The following PCDH19 variants were observed in gnomAD, a reference collection of about 807,000 sequenced individuals.
PCDH19 encodes protocadherin-19.
PCDH19 carries 6 observed loss-of-function variants against 46.2 expected under a neutral mutation model. That is an observed-to-expected ratio of 0.13 (90% CI 0.07 to 0.26). The LOEUF is 0.26. Among genes scored for constraint, PCDH19 ranks in the 10% least tolerant of loss-of-function variants. The pLI, the probability that PCDH19 is intolerant of heterozygous loss-of-function variation, is 1.00. For synonymous variants in PCDH19, 481 were observed against 415.7 expected (o/e 1.16, Z -1.91); for missense variants, 740 against 972.3 (o/e 0.76, Z 3.18).
chrX:100,366,659 A>G (rs746955559), intron 3 of PCDH19, among the ~76,000 whole-genome samples: 16 of 112,467 alleles, frequency 1.4e-4, no homozygotes, highest in African/African-American at 5.2e-4. Flanking sequence ...AAATGTTTAA[A>G]CTAACAAGAA....
chrX:100,314,669 A>C (rs1327775750), intron 5 of PCDH19, among the ~76,000 whole-genome samples: 1 of 111,618 alleles, frequency 9.0e-6, no homozygotes, highest in East Asian at 2.8e-4. Context: ...GGTAGAATAG[A>C]AGAGTGATTG....
In PCDH19 at chrX:100,409,769, C is replaced by G; in HGVS notation, c.-1172G>C. 4.2e-6 allele frequency: 1 copy of G among 235,892 alleles called. No homozygotes were observed. Among genetic ancestry groups the G allele is most frequent in the Non-Finnish European group, 7.4e-6 (1 of 134,563 alleles). The allele number at this position is 235,892 out of a possible 1,213,427, so 19.4% of individuals were successfully genotyped here. On this transcript the variant is annotated 5_prime_UTR_variant, in exon 1 of 6. Coordinates refer to ENST00000373034, the MANE Select transcript of PCDH19 (RefSeq NM_001184880.2). ...AGGAAGCCCTCCTAGCTCAGTTGCA[C>G]GTCGCTGGGGTCCGCCTCAGCAGCT...
intron 5 of PCDH19, among the ~76,000 whole-genome samples, chrX:100,333,169 GGA>G (rs1461357299): frequency 0.076 from 2,526 of 33,304 alleles, 127 homozygotes; most frequent in South Asian, 0.15. Context: ...AAGGAAGGAA[GGA>G]AGGGAGAGAG....
rs772106217 is a variant in PCDH19 at position 100,341,938 on chromosome X, C to A, written c.2813G>T (p.Ser938Ile). Residue 938 changes from serine to isoleucine, a missense_variant, in exon 5 of 6, where the codon AGT becomes ATT. Coordinates refer to ENST00000373034, the MANE Select transcript of PCDH19 (RefSeq NM_001184880.2). ...DTAVNDVLNT[S>I]VTSMGSQMPD... is the part of the protein sequence containing the mutation. The stretch of plus-strand genomic sequence containing the variant: ...CATCTGAGATCCCATGGAGGTCACA[C>A]TGGTGTTCAGCACATCGTTGACAGC... The A allele has an allele frequency of 2.1e-5, 25 of 1,209,331 alleles. No homozygotes were observed. Among genetic ancestry groups the A allele is most frequent in the Non-Finnish European group, 2.8e-5 (25 of 894,483 alleles).
At chrX:100,315,276 C>T (rs1030163135) in intron 5 of PCDH19, among the ~76,000 whole-genome samples, 3 of 112,298 alleles carry the variant, frequency 2.7e-5, no homozygotes, top group South Asian at 7.4e-4. Flanking sequence ...GCCCACATTT[C>T]CCTATTAGGA....
At position 100,296,405 on chromosome X, in the gene PCDH19, G is replaced by A. The variant is rs191333060; in HGVS notation, c.3319C>T (p.Arg1107Cys). ...YVNNVNNGPT[R>C]PSEAEPRGAD... ...CCACGGGGCTCAGCTTCAGAGGGAC[G>A]AGTAGGGCCATTGTTGACATTGTTG... Residue 1107 changes from arginine (R) to cysteine (C), a missense_variant, in exon 6 of 6, where the codon CGT (arginine) becomes TGT (cysteine). By Grantham distance (180) the Arg-to-Cys change is radical. Transcript: ENST00000373034. The A allele has an allele frequency of 5.0e-6, 6 of 1,209,002 alleles. No homozygotes were observed. The highest frequency in any genetic ancestry group is 3.5e-5 in the South Asian group (2 of 56,677).
chrX:100,360,002 T>G (rs2147499991), intron 3 of PCDH19, among the ~76,000 whole-genome samples: 1 of 111,522 alleles, frequency 9.0e-6, no homozygotes, highest in Middle Eastern at 4.6e-3. Context: ...TCTCTGCCAC[T>G]TACCAGCTAC....
intron 5 of PCDH19, among the ~76,000 whole-genome samples, chrX:100,337,257 T>A (rs1328791172): frequency 1.8e-5 from 2 of 111,619 alleles, no homozygotes; most frequent in Admixed American, 1.9e-4. Flanking sequence ...GTTAAAAAAT[T>A]TGAGTGTTGA....
At chrX:100,384,698 T>C (rs138747778) in intron 3 of PCDH19, among the ~76,000 whole-genome samples, 5,775 of 111,601 alleles carry the variant, frequency 0.052, 350 homozygotes, top group African/African-American at 0.18. Flanking sequence ...ATTGTTGCTA[T>C]TTCATGTAAT....
chrX:100,405,011 T>C (rs969446600), intron 1 of PCDH19, among the ~76,000 whole-genome samples: 1 of 112,490 alleles, frequency 8.9e-6, no homozygotes, highest in South Asian at 3.7e-4. Flanking sequence ...AAAGCATTTA[T>C]GAGGCATTGC....
chrX:100,300,967 G>A (rs1440220822), intron 5 of PCDH19, among the ~76,000 whole-genome samples: 1 of 106,643 alleles, frequency 9.4e-6, no homozygotes, highest in Non-Finnish European at 1.9e-5. Flanking sequence ...AGAGGCAAAA[G>A]AGGCAGTAAG....
chrX:100,320,847 C>T (rs1374456752), intron 5 of PCDH19, among the ~76,000 whole-genome samples: 1 of 101,684 alleles, frequency 9.8e-6, no homozygotes, highest in Non-Finnish European at 2.0e-5. Context: ...TGAGTAAGTT[C>T]TTTAGTGGTG....
chrX:100,409,771 T>C lies in PCDH19; in HGVS notation c.-1174A>G. 4.8e-6 allele frequency: 1 copy of C among 208,321 alleles called. No homozygotes were observed. The highest frequency in any genetic ancestry group is 8.5e-6 in the Non-Finnish European group (1 of 116,993). 17.2% of individuals were successfully genotyped at this position (208,321 alleles called of 1,213,427 possible). ...GAAGCCCTCCTAGCTCAGTTGCACG[T>C]CGCTGGGGTCCGCCTCAGCAGCTGC... On this transcript the variant is annotated 5_prime_UTR_variant, in exon 1 of 6. Transcript: ENST00000373034.
chrX:100,401,577 G>A (rs751891987), intron 3 of PCDH19, among the ~76,000 whole-genome samples: 3 of 110,044 alleles, frequency 2.7e-5, no homozygotes, highest in Admixed American at 9.6e-5. Flanking sequence ...GCTTGAAGCC[G>A]GGAGGTGGAG....
At chrX:100,403,910 C>T (rs1232282376) in intron 1 of PCDH19, among the ~76,000 whole-genome samples, 1 of 112,052 alleles carries the variant, frequency 8.9e-6, no homozygotes, top group African/African-American at 3.2e-5. Flanking sequence ...TTTGGAAATT[C>T]GATTTCTGGG....
chrX:100,364,438 G>A (rs1250862175), intron 3 of PCDH19, among the ~76,000 whole-genome samples: 1 of 111,740 alleles, frequency 8.9e-6, no homozygotes, highest in African/African-American at 3.3e-5. Context: ...GTAACCACAT[G>A]TGGCTACCAT....
rs546168637 is a variant in PCDH19, at chrX:100,369,235, T to C, written c.2617-18531A>G. ...AAGGTTTTTCCAAGATATTAACTCCTTCCTAACCCCACTAAAGCATACCAC... is the reference window on the plus strand; with the variant it reads ...AAGGTTTTTCCAAGATATTAACTCCCTCCTAACCCCACTAAAGCATACCAC... On this transcript the variant is annotated intron_variant, in intron 3 of 5. Transcript: ENST00000373034. Among the ~76,000 whole-genome samples the C allele has an allele frequency of 4.5e-5, 5 of 111,603 alleles. No individual in the cohort carries two copies. In the South Asian group the frequency reaches 1.9e-3, roughly 43 times the overall value.
chrX:100,319,905 A>C (rs1925423167), intron 5 of PCDH19, among the ~76,000 whole-genome samples: 1 of 112,326 alleles, frequency 8.9e-6, no homozygotes, highest in Non-Finnish European at 1.9e-5. Flanking sequence ...GAAATGGATG[A>C]TTCAGTAAGG....
chrX:100,369,448 T>C (rs891510356), intron 3 of PCDH19, among the ~76,000 whole-genome samples: 1 of 112,127 alleles, frequency 8.9e-6, no homozygotes, highest in African/African-American at 3.2e-5. Context: ...TTTGGCCTTA[T>C]ACCTAAGAAC....
Sources: gnomAD v4.1 joint callset for allele counts (sites outside exome capture counted in the v4.1 genomes callset) on GRCh38, gnomAD v4.1.1 for gene constraint, MANE v1.5 for transcripts, NCBI Gene and HGNC (gene_info 2026-07-23, HGNC 2026-07-21) for gene names.